The following XIRP2 variants were observed in gnomAD, a reference collection of about 807,000 sequenced individuals.
XIRP2 encodes xin actin-binding repeat-containing protein 2.
XIRP2 carries 236 observed loss-of-function variants against 277.0 expected under a neutral mutation model. The ratio of observed to expected loss-of-function variants is 0.85; its 90% confidence interval spans 0.77 to 0.95. The LOEUF is 0.95. Among genes scored for constraint, XIRP2 ranks in the 40% least tolerant of loss-of-function variants. The pLI is 0.00. For missense variants in XIRP2, 4,640 were observed against 4,157.5 expected, an observed-to-expected ratio of 1.12 and a Z score of -3.19; for synonymous variants, 1,490 against 1,416.5, an observed-to-expected ratio of 1.05 and a Z score of -1.17.
chr2:166,909,517 C>T (rs1684638679), intron 2 of XIRP2, among the ~76,000 whole-genome samples: 1 of 152,170 alleles, frequency 6.6e-6, no homozygotes, highest in Admixed American at 6.5e-5. Flanking sequence ...AGATTTTGGG[C>T]TGAGACAGTG....
At chr2:167,109,662 G>T (rs7572454) in intron 2 of XIRP2, among the ~76,000 whole-genome samples, 1 of 151,978 alleles carries the variant, frequency 6.6e-6, no homozygotes, top group Non-Finnish European at 1.5e-5. Context: ...ATAGCGCTGC[G>T]ATGAACATAT....
chr2:166,937,417 C>A (rs1424289102), intron 2 of XIRP2, among the ~76,000 whole-genome samples: 3 of 151,762 alleles, frequency 2.0e-5, no homozygotes, highest in Non-Finnish European at 4.4e-5. Flanking sequence ...TTGAACCTTG[C>A]ACCAGCCTTG....
intron 3 of XIRP2, among the ~76,000 whole-genome samples, chr2:167,168,857 G>A (rs573401105): frequency 5.3e-5 from 8 of 151,866 alleles, no homozygotes; most frequent in East Asian, 3.9e-4. Context: ...CTCGTGATCC[G>A]CCTGCCTCAG....
chr2:167,169,157 G>T (rs74934996), intron 3 of XIRP2, among the ~76,000 whole-genome samples: 3,811 of 152,214 alleles, frequency 0.025, 67 homozygotes, highest in East Asian at 0.048. Flanking sequence ...TTAGGCTCTG[G>T]TTAAATAGTT....
intron 2 of XIRP2, among the ~76,000 whole-genome samples, chr2:166,974,846 T>C (rs1686669656): frequency 6.6e-6 from 1 of 152,088 alleles, no homozygotes. Flanking sequence ...AGAGTCAGTA[T>C]AGATAAATGT....
chr2:166,968,021 A>C (rs1686474341), intron 2 of XIRP2, among the ~76,000 whole-genome samples: 1 of 151,940 alleles, frequency 6.6e-6, no homozygotes. Flanking sequence ...GGCACTGCAG[A>C]TTTCTTTAAA....
intron 5 of XIRP2, among the ~76,000 whole-genome samples, chr2:167,223,230 A>G (rs1005499903): frequency 5.3e-5 from 8 of 152,042 alleles, no homozygotes; most frequent in Non-Finnish European, 1.2e-4. Context: ...CCTAAGTAGC[A>G]TAAGTAGGAA....
At chr2:166,942,880 C>T (rs749966903) in intron 2 of XIRP2, among the ~76,000 whole-genome samples, 12 of 151,930 alleles carry the variant, frequency 7.9e-5, no homozygotes, top group Non-Finnish European at 1.8e-4. Context: ...TAATTAACAA[C>T]ATCAAAATAT....
rs189756997 is a variant in XIRP2 at position 167,138,959 on chromosome 2, C to T, written c.562+2897C>T. Among the ~76,000 whole-genome samples the T allele has an allele frequency of 9.3e-4, 141 of 151,984 alleles. 1 individual carries two copies. Among genetic ancestry groups the T allele is most frequent in the East Asian group, 2.5e-3 (13 of 5,140 alleles). On this transcript the variant is annotated intron_variant, in intron 3 of 10. Coordinates refer to ENST00000409195, the MANE Select transcript of XIRP2 (RefSeq NM_152381.6). Reference sequence around the variant, plus strand: ...GTGGGTGCCTGTAATCTCAGCTACTCGGGAGGCTGAGGCAGGAGAATCACT... The same window carrying T: ...GTGGGTGCCTGTAATCTCAGCTACTTGGGAGGCTGAGGCAGGAGAATCACT...
intron 3 of XIRP2, among the ~76,000 whole-genome samples, chr2:167,143,925 G>A (rs532910830): frequency 6.6e-6 from 1 of 151,930 alleles, no homozygotes; most frequent in African/African-American, 2.4e-5. Context: ...AATATTTGAA[G>A]TTTTTAATGT....
intron 5 of XIRP2, among the ~76,000 whole-genome samples, chr2:167,221,366 G>A (rs1324705432): frequency 6.6e-6 from 1 of 151,208 alleles, no homozygotes; most frequent in Non-Finnish European, 1.5e-5. Flanking sequence ...GGGAGGCTGA[G>A]GCAGAATAGC....
intron 2 of XIRP2, among the ~76,000 whole-genome samples, chr2:166,909,512 T>G (rs1032515398): frequency 6.6e-6 from 1 of 152,228 alleles, no homozygotes; most frequent in Non-Finnish European, 1.5e-5. Flanking sequence ...TAAGGAGATT[T>G]TGGGCTGAGA....
chr2:167,004,795 GC>G (rs1371223659), intron 2 of XIRP2, among the ~76,000 whole-genome samples: 1 of 151,766 alleles, frequency 6.6e-6, no homozygotes, highest in Non-Finnish European at 1.5e-5. Flanking sequence ...GACCAAAAGA[GC>G]AACAAAAATG....
At chr2:167,064,908 G>A (rs1689264870) in intron 2 of XIRP2, among the ~76,000 whole-genome samples, 1 of 151,852 alleles carries the variant, frequency 6.6e-6, no homozygotes, top group South Asian at 2.1e-4. Flanking sequence ...ATTTATCAGT[G>A]GATGCTTGGA....
chr2:167,101,369 G>T (rs1266180856), intron 2 of XIRP2, among the ~76,000 whole-genome samples: 8 of 152,146 alleles, frequency 5.3e-5, no homozygotes, highest in Non-Finnish European at 1.2e-4. Context: ...GTGTTTGGTT[G>T]CATGAGTCAG....
Position 167,258,937 on chromosome 2 carries a change from A to G in XIRP2, c.*1120A>G, listed in dbSNP as rs780283602. The G allele has an allele frequency of 2.5e-6, 4 of 1,613,148 alleles. No individual in the cohort carries two copies. Among genetic ancestry groups the G allele is most frequent in the Non-Finnish European group, 3.4e-6 (4 of 1,179,568 alleles). On this transcript the variant is annotated 3_prime_UTR_variant, in exon 11 of 11. Transcript: ENST00000409195. ...CTGGCAGTCCTGTGCAGCCTGCTCC[A>G]AAACCAAGCCTCAGCAGAGGCCTTA...
chr2:167,232,271 G>T (rs1334265630), intron 5 of XIRP2, among the ~76,000 whole-genome samples: 1 of 151,868 alleles, frequency 6.6e-6, no homozygotes. Context: ...CATGAAAGAC[G>T]AAGTGTAAAT....
At chr2:167,200,141 C>G (rs1009796582) in intron 3 of XIRP2, among the ~76,000 whole-genome samples, 10 of 152,102 alleles carry the variant, frequency 6.6e-5, no homozygotes, top group African/African-American at 2.2e-4. Flanking sequence ...AGGGGTTTTC[C>G]TCACAATGTA....
intron 5 of XIRP2, among the ~76,000 whole-genome samples, chr2:167,226,261 T>G (rs1047449515): frequency 6.6e-6 from 1 of 152,190 alleles, no homozygotes; most frequent in African/African-American, 2.4e-5. Flanking sequence ...TTGCCCATTT[T>G]ATTACCACTT....
Sources: allele counts gnomAD v4.1 joint callset (sites outside exome capture counted in the v4.1 genomes callset), GRCh38; gene constraint gnomAD v4.1.1; transcripts MANE v1.5; gene names NCBI Gene and HGNC (gene_info 2026-07-23, HGNC 2026-07-21).